Variants in RPAP3 observed in about 807,000 individuals in gnomAD.
RPAP3 encodes the protein RNA polymerase II associated protein 3, also known as RNA polymerase II-associated protein 3.
A neutral mutation model predicts 88.8 loss-of-function variants in RPAP3; 58 were observed. The ratio of observed to expected loss-of-function variants is 0.65; its 90% CI spans 0.53 to 0.81. The LOEUF is 0.81. Ranked by LOEUF, RPAP3 falls within the 40% of genes least tolerant of loss-of-function variation. The pLI is 0.00. For synonymous variants in RPAP3, 255 were observed against 259.9 expected (o/e 0.98, Z 0.18); for missense variants, 751 against 764.3 (o/e 0.98, Z 0.20).
At chr12:47,705,243 G>A (rs1461124359) in intron 1 of RPAP3, among the ~76,000 whole-genome samples, 1 of 152,160 alleles carries the variant, frequency 6.6e-6, no homozygotes, top group Non-Finnish European at 1.5e-5. Context: ...ATTTGTTTAG[G>A]ACAGTGAAAA....
intron 5 of RPAP3, among the ~76,000 whole-genome samples, chr12:47,693,712 G>C (rs1939470833): frequency 6.6e-6 from 1 of 152,124 alleles, no homozygotes; most frequent in Non-Finnish European, 1.5e-5. Flanking sequence ...CCACAAGAAA[G>C]AAACACAAGG....
chr12:47,692,418 A>C (rs1242503266), intron 5 of RPAP3, among the ~76,000 whole-genome samples: 3 of 152,176 alleles, frequency 2.0e-5, no homozygotes. Flanking sequence ...CTGCTGCTTC[A>C]CCTTCCACTT....
chr12:47,702,844 G>A lies in RPAP3; in HGVS notation c.-4C>T. The A allele has an allele frequency of 6.2e-7, 1 of 1,609,632 alleles. No homozygotes were observed. Among genetic ancestry groups the A allele is most frequent in the Non-Finnish European group, 8.5e-7 (1 of 1,178,414 alleles). On this transcript the variant is annotated splice_region_variant and 5_prime_UTR_variant, in exon 2 of 17. Coordinates refer to ENST00000005386, the MANE Select transcript of RPAP3 (RefSeq NM_024604.3). Reference sequence around the variant, plus strand: ...TTGCTTTATTTGCTGAAGTCATTATGGTCTGCAGAGTTTTGAACAACCAAC... The same window carrying A: ...TTGCTTTATTTGCTGAAGTCATTATAGTCTGCAGAGTTTTGAACAACCAAC...
chr12:47,679,693 G>C lies in RPAP3; in HGVS notation c.1185+11C>G, dbSNP rs1454685597. The C allele has an allele frequency of 2.5e-6, 4 of 1,587,434 alleles. No homozygotes were observed. The highest frequency in any genetic ancestry group is 2.7e-5 in the African/African-American group (2 of 74,370). The stretch of plus-strand genomic sequence containing the variant: ...AAATATGACCATGTTTGGGTGAAAA[G>C]AATACATTACCTTTTTAATTTTGGA... On this transcript the variant is annotated intron_variant, in intron 11 of 16. Transcript: ENST00000005386.
At chr12:47,673,856 G>C (rs548304007) in intron 12 of RPAP3, among the ~76,000 whole-genome samples, 15 of 151,950 alleles carry the variant, frequency 9.9e-5, no homozygotes, top group Admixed American at 2.6e-4. Context: ...TGATGCAAGG[G>C]TGTTTATCCC....
At chr12:47,674,642 G>A (rs1285957674) in intron 12 of RPAP3, among the ~76,000 whole-genome samples, 2 of 152,076 alleles carry the variant, frequency 1.3e-5, no homozygotes, top group East Asian at 3.9e-4. Flanking sequence ...GGAAGAAAGG[G>A]TATCAGTGAT....
intron 5 of RPAP3, among the ~76,000 whole-genome samples, chr12:47,693,528 C>T (rs73300666): frequency 0.038 from 5,787 of 152,238 alleles, 363 homozygotes; most frequent in African/African-American, 0.13. Flanking sequence ...CACAAACTTT[C>T]GTTTTGTAAA....
Position 47,681,703 on chromosome 12 carries a change from T to A in RPAP3, c.1107A>T (p.Ala369=), listed in dbSNP as rs1486694487. ...GCTGTTATAAAGTCTTACCTTGTTTTGCCTCATTTAGCTTTCCCAAAAATG... is the reference window on the plus strand; with the variant it reads ...GCTGTTATAAAGTCTTACCTTGTTTAGCCTCATTTAGCTTTCCCAAAAATG... ...ARTFLGKLNE[A]KQDFETVLLL... Residue 369 remains alanine, a synonymous_variant, in exon 10 of 17, where the codon GCA becomes GCT. Transcript: ENST00000005386. 6.2e-7 allele frequency: 1 copy of A among 1,612,402 alleles called. No homozygotes were observed. Among genetic ancestry groups the A allele is most frequent in the Non-Finnish European group, 8.5e-7 (1 of 1,179,320 alleles).
intron 9 of RPAP3, among the ~76,000 whole-genome samples, chr12:47,684,355 A>C (rs528510066): frequency 6.6e-6 from 1 of 152,312 alleles, no homozygotes; most frequent in Non-Finnish European, 1.5e-5. Flanking sequence ...GGTAGGTAAG[A>C]CTGACTATAC....
intron 12 of RPAP3, among the ~76,000 whole-genome samples, chr12:47,676,150 G>T (rs1939110615): frequency 6.6e-6 from 1 of 152,178 alleles, no homozygotes; most frequent in Non-Finnish European, 1.5e-5. Context: ...TGACTACTGG[G>T]TAACTAACGA....
chr12:47,695,921 G>A (rs3809318), intron 5 of RPAP3: 26,021 of 159,142 alleles, frequency 0.16, 2,711 homozygotes, highest in Admixed American at 0.32. Context: ...CATAATAAAT[G>A]TTCTCTAGAT....
intron 12 of RPAP3, among the ~76,000 whole-genome samples, chr12:47,677,887 GA>G (rs1261022592): frequency 3.9e-5 from 6 of 151,904 alleles, no homozygotes; most frequent in African/African-American, 1.5e-4. Context: ...CACAGAATTG[GA>G]AAAAAACTAC....
chr12:47,671,027 A>G (rs1938986682), intron 12 of RPAP3, among the ~76,000 whole-genome samples: 1 of 152,232 alleles, frequency 6.6e-6, no homozygotes, highest in Non-Finnish European at 1.5e-5. Flanking sequence ...TCTGCCAAGT[A>G]ATATTCACAA....
At chr12:47,674,594 G>A (rs1000557116) in intron 12 of RPAP3, among the ~76,000 whole-genome samples, 3 of 152,176 alleles carry the variant, frequency 2.0e-5, no homozygotes, top group Non-Finnish European at 4.4e-5. Context: ...AGAACTTCGT[G>A]ATGCATGCAC....
At chr12:47,666,222 T>C (rs1039080771) in intron 16 of RPAP3, among the ~76,000 whole-genome samples, 1 of 152,224 alleles carries the variant, frequency 6.6e-6, no homozygotes, top group African/African-American at 2.4e-5. Flanking sequence ...GCAATTTTAC[T>C]TTAATTAGGA....
chr12:47,674,936 A>G (rs1464410209), intron 12 of RPAP3, among the ~76,000 whole-genome samples: 1 of 152,198 alleles, frequency 6.6e-6, no homozygotes, highest in Non-Finnish European at 1.5e-5. Flanking sequence ...ACCCCAAGAC[A>G]CAAAATTGTC....
chr12:47,688,091 T>G (rs1939360946), intron 7 of RPAP3, 90 bp from the exon 8 acceptor site: 1 of 1,094,944 alleles, frequency 9.1e-7, no homozygotes, highest in African/African-American at 1.6e-5. Flanking sequence ...TCAAATATAT[T>G]AGAATTTCTG....
At chr12:47,664,685 G>A (rs1410203344) in intron 16 of RPAP3, 1 of 152,212 alleles carries the variant, frequency 6.6e-6, no homozygotes, top group East Asian at 1.9e-4. Flanking sequence ...CAGCCAGTCT[G>A]AAGAGCCCAC....
intron 8 of RPAP3, among the ~76,000 whole-genome samples, chr12:47,687,201 C>T (rs978619250): frequency 2.0e-5 from 3 of 152,064 alleles, no homozygotes; most frequent in South Asian, 2.1e-4. Flanking sequence ...AATTTAAAAA[C>T]CTATTTTAAC....
Sources: allele counts gnomAD v4.1 joint callset (sites outside exome capture counted in the v4.1 genomes callset), GRCh38; gene constraint gnomAD v4.1.1; transcripts MANE v1.5; gene names NCBI Gene and HGNC (gene_info 2026-07-23, HGNC 2026-07-21).